The following UTRN variants were observed in gnomAD, a reference collection of about 807,000 sequenced individuals.
UTRN encodes dystrophin-related protein 1.
A neutral mutation model predicts 463.9 loss-of-function variants in UTRN; 283 were observed. The ratio of observed to expected loss-of-function variants is 0.61; its 90% CI spans 0.55 to 0.67. The LOEUF is 0.67. UTRN is among the 30% of genes least tolerant of loss of function. The pLI, the probability that UTRN is intolerant of heterozygous loss-of-function variation, is 0.00. For synonymous variants in UTRN, 1,442 were observed against 1,431.5 expected (o/e 1.01, Z -0.17); for missense variants, 3,922 against 4,084.3 (o/e 0.96, Z 1.08).
At chr6:144,712,606 C>T (rs1562802762) in intron 53 of UTRN, among the ~76,000 whole-genome samples, 2 of 152,182 alleles carry the variant, frequency 1.3e-5, no homozygotes, top group East Asian at 3.8e-4. Context: ...GCATACTTTG[C>T]TAGGTGCCAA....
chr6:144,434,188 C>T (rs376671290), intron 9 of UTRN, among the ~76,000 whole-genome samples: 4 of 152,228 alleles, frequency 2.6e-5, no homozygotes, highest in East Asian at 1.9e-4. Flanking sequence ...CAAAAAAATA[C>T]GAAAACCAGT....
At chr6:144,608,878 T>C (rs746860420) in intron 51 of UTRN, among the ~76,000 whole-genome samples, 2 of 152,126 alleles carry the variant, frequency 1.3e-5, no homozygotes, top group Non-Finnish European at 2.9e-5. Flanking sequence ...TAAAAACCTA[T>C]AGTAGTTGCA....
At position 144,748,474 on chromosome 6, in the gene UTRN, T is replaced by C. The variant is rs1203341464; in HGVS notation, c.8168T>C (p.Leu2723Ser). 2.5e-5 allele frequency: 41 copies of C among 1,613,862 alleles called. No individual in the cohort carries two copies. Among genetic ancestry groups the C allele is most frequent in the Non-Finnish European group, 3.2e-5 (38 of 1,179,918 alleles). ...VRNGWKPVGD[L>S]LIDSLQDHIE... ...AATGGCTGGAAGCCCGTGGGAGACTTACTCATTGACTCGCTGCAGGATCAC... is the reference window on the plus strand; with the variant it reads ...AATGGCTGGAAGCCCGTGGGAGACTCACTCATTGACTCGCTGCAGGATCAC... The change falls in exon 55 of 75, where the codon TTA (leucine) becomes TCA (serine). Residue 2723 changes from leucine (L) to serine (S), a missense_variant. Around this residue, in one of 3 missense-constraint regions of UTRN, gnomAD observed 1,309 missense variants for 1,452.6 expected, o/e 0.90. Transcript: ENST00000367545.
intron 51 of UTRN, among the ~76,000 whole-genome samples, chr6:144,638,658 T>C (rs146093326): frequency 6.6e-6 from 1 of 152,358 alleles, no homozygotes; most frequent in East Asian, 1.9e-4. Context: ...GAATTGATTT[T>C]CAATTAATCA....
rs112707195 is a variant in UTRN at position 144,342,976 on chromosome 6, T to TAG, written c.79+51084_79+51085dup. On this transcript the variant is annotated intron_variant, in intron 2 of 74. Coordinates refer to ENST00000367545, the MANE Select transcript of UTRN (RefSeq NM_007124.3). ...TTTTACAGATTTGGAGACTGAGGCT[T>TAG]AGAGAGAGAGAGAGAGTATTTTGCC... 9.0e-4 allele frequency among the ~76,000 whole-genome samples: 136 copies of TAG among 150,472 alleles called. No homozygotes were observed. The Middle Eastern group carries it at 0.01, about 11-fold the overall frequency.
chr6:144,751,069 T>A (rs1429207786), intron 55 of UTRN, among the ~76,000 whole-genome samples: 1 of 152,186 alleles, frequency 6.6e-6, no homozygotes, highest in Non-Finnish European at 1.5e-5. Flanking sequence ...TAATAGGCAT[T>A]GGTTTCATGG....
intron 51 of UTRN, among the ~76,000 whole-genome samples, chr6:144,662,266 T>C (rs914479132): frequency 3.9e-5 from 6 of 152,180 alleles, no homozygotes; most frequent in Non-Finnish European, 5.9e-5. Flanking sequence ...TGTTGCTTCA[T>C]TGGTTTATTG....
rs1798535423 is a variant in UTRN, at chr6:144,547,729, GC to G, written c.6596-910del. ...TAATATACTGAGTTAATAATTATTA[GC>G]TAAATAATATAACTTAATATCTGGG... On this transcript the variant is annotated intron_variant, in intron 46 of 74. Coordinates refer to ENST00000367545, the MANE Select transcript of UTRN (RefSeq NM_007124.3). Among the ~76,000 whole-genome samples, 3 of 152,172 alleles carry G rather than the reference GC, an allele frequency of 2.0e-5. No individual in the cohort carries two copies. The South Asian group carries it at 6.2e-4, about 32-fold the overall frequency.
intron 2 of UTRN, among the ~76,000 whole-genome samples, chr6:144,306,114 T>C (rs1224554889): frequency 1.3e-5 from 2 of 152,148 alleles, no homozygotes; most frequent in African/African-American, 4.8e-5. Flanking sequence ...TTACATACTT[T>C]CTGTTTTATT....
At chr6:144,388,610 C>T (rs1781626625) in intron 2 of UTRN, among the ~76,000 whole-genome samples, 1 of 151,984 alleles carries the variant, frequency 6.6e-6, no homozygotes, top group South Asian at 2.1e-4. Context: ...GTGATCTTCC[C>T]ACCTCAGCCA....
In UTRN at chr6:144,291,750, G is replaced by C; in HGVS notation, c.-79G>C. 7.8e-7 allele frequency: 1 copy of C among 1,285,964 alleles called. No homozygotes were observed. Among genetic ancestry groups the C allele is most frequent in the African/African-American group, 1.5e-5 (1 of 65,932 alleles). The allele number at this position is 1,285,964 out of a possible 1,614,324, so 79.7% of individuals were successfully genotyped here. On this transcript the variant is annotated 5_prime_UTR_variant, in exon 2 of 75. Transcript: ENST00000367545. ...TTTTCCTTTTAGGTATTGATGTCAAGCTGAACCATCGTAGGAAGTTGAAAG... is the reference window on the plus strand; with the variant it reads ...TTTTCCTTTTAGGTATTGATGTCAACCTGAACCATCGTAGGAAGTTGAAAG...
rs1032298867 is a variant in UTRN, at chr6:144,510,871, A to G, written c.4765-73A>G. 43 of 1,300,532 alleles carry G rather than the reference A, an allele frequency of 3.3e-5. No homozygotes were observed. In the Admixed American group the frequency reaches 1.3e-3, roughly 38 times the overall value. The allele number at this position is 1,300,532 out of a possible 1,614,324, so 80.6% of individuals were successfully genotyped here. A position where few individuals can be genotyped will look rare whatever the true frequency, so the allele number is the denominator to read the frequency against. Reference sequence around the variant, plus strand: ...TTGTATATGTGGCAGAAAAGTTTTTAATAATTTAAGGTTGTATATACTTTT... The same window carrying G: ...TTGTATATGTGGCAGAAAAGTTTTTGATAATTTAAGGTTGTATATACTTTT... On this transcript the variant is annotated intron_variant, in intron 34 of 74. Transcript: ENST00000367545.
At chr6:144,294,816 T>A (rs1299120991) in intron 2 of UTRN, among the ~76,000 whole-genome samples, 1 of 152,232 alleles carries the variant, frequency 6.6e-6, no homozygotes, top group African/African-American at 2.4e-5. Flanking sequence ...TTTATAATTT[T>A]AAAGCCATTT....
chr6:144,520,379 G>A (rs1044201266), intron 39 of UTRN, among the ~76,000 whole-genome samples: 2 of 152,154 alleles, frequency 1.3e-5, no homozygotes, highest in Non-Finnish European at 2.9e-5. Context: ...GGGTAGATAT[G>A]TTATTTATTT....
chr6:144,615,079 G>T (rs1186077895), intron 51 of UTRN, among the ~76,000 whole-genome samples: 4 of 152,064 alleles, frequency 2.6e-5, no homozygotes, highest in African/African-American at 9.7e-5. Context: ...ATGAAACATT[G>T]TTATGAATCA....
chr6:144,527,396 T>G (rs1796661091), intron 41 of UTRN, among the ~76,000 whole-genome samples: 1 of 152,232 alleles, frequency 6.6e-6, no homozygotes, highest in African/African-American at 2.4e-5. Flanking sequence ...CTTTATAGGT[T>G]ACCTGATGCT....
chr6:144,467,175 T>C (rs184979657), intron 23 of UTRN, among the ~76,000 whole-genome samples: 117 of 152,370 alleles, frequency 7.7e-4, no homozygotes, highest in African/African-American at 2.7e-3. Context: ...AAGACCATCC[T>C]AGACTATTGC....
At chr6:144,315,959 C>G (rs1400976717) in intron 2 of UTRN, among the ~76,000 whole-genome samples, 1 of 152,162 alleles carries the variant, frequency 6.6e-6, no homozygotes, top group Non-Finnish European at 1.5e-5. Flanking sequence ...GTTCCCTGTA[C>G]ACTCCCTCTT....
At chr6:144,682,050 C>A (rs1451688787) in intron 52 of UTRN, among the ~76,000 whole-genome samples, 4 of 152,004 alleles carry the variant, frequency 2.6e-5, no homozygotes, top group Admixed American at 6.6e-5. Context: ...ACTATAATCA[C>A]CCTTGTTTTG....
Sources: gnomAD v4.1 joint callset for allele counts (sites outside exome capture counted in the v4.1 genomes callset) on GRCh38, gnomAD v4.1.1 for gene constraint, gnomAD v4.1.1 regional missense constraint, MANE v1.5 for transcripts, NCBI Gene and HGNC (gene_info 2026-07-23, HGNC 2026-07-21) for gene names.